Variants in C21orf91 observed in about 807,000 individuals in gnomAD.
C21orf91 encodes chromosome 21 open reading frame 91.
A neutral mutation model predicts 32.9 loss-of-function variants in C21orf91; 26 were observed. The observed-to-expected ratio is 0.79, with a 90% CI of 0.58 to 1.10. C21orf91 has a LOEUF of 1.10. Among genes scored for constraint, C21orf91 ranks in the 50% least tolerant of loss-of-function variants. The pLI, the probability that C21orf91 is intolerant of heterozygous loss-of-function variation, is 0.00. For synonymous variants in C21orf91, 126 were observed against 120.4 expected (o/e 1.05, Z -0.31); for missense variants, 310 against 341.3 (o/e 0.91, Z 0.72).
chr21:17,801,371 T>C (rs756074887), intron 2 of C21orf91, among the ~76,000 whole-genome samples: 1 of 151,650 alleles, frequency 6.6e-6, no homozygotes, highest in Non-Finnish European at 1.5e-5. Flanking sequence ...CCCAGGTTCA[T>C]GTCATTCTCC....
chr21:17,811,356 C>A (rs1359527324), intron 2 of C21orf91: 1 of 152,088 alleles, frequency 6.6e-6, no homozygotes, highest in Non-Finnish European at 1.5e-5. Flanking sequence ...AGAGACTTAC[C>A]TAAAAGTATA....
At chr21:17,810,132 T>G (rs1314914754) in intron 2 of C21orf91, among the ~76,000 whole-genome samples, 1 of 152,232 alleles carries the variant, frequency 6.6e-6, no homozygotes, top group Non-Finnish European at 1.5e-5. Flanking sequence ...TTGATAACTC[T>G]GCAACTTTAC....
chr21:17,790,007 T>C lies in C21orf91; in HGVS notation c.*3408A>G, dbSNP rs1407121797. The C allele has an allele frequency of 1.3e-5, 2 of 152,132 alleles. No individual in the cohort carries two copies. The highest frequency in any genetic ancestry group is 2.9e-5 in the Non-Finnish European group (2 of 67,984). 9.4% of individuals were successfully genotyped at this position (152,132 alleles called of 1,614,324 possible). A position where few individuals can be genotyped will look rare whatever the true frequency, so the allele number is the denominator to read the frequency against. ...AAAGTATTAACTTTTTTATAGCGTA[T>C]TACACTTCTTAATAAGCACTTAGTA... On this transcript the variant is annotated 3_prime_UTR_variant, in exon 5 of 5. Transcript: ENST00000284881.
chr21:17,800,537 C>G (rs1335207993), intron 2 of C21orf91, among the ~76,000 whole-genome samples: 1 of 152,154 alleles, frequency 6.6e-6, no homozygotes. Context: ...CAGTGAGTTT[C>G]CCAACTGACT....
rs1462841094 is a variant in C21orf91, at chr21:17,818,230, AGT to A, written c.87_88del (p.Ser31LeufsTer7). ...CTCAAAACAAATGTGGCAGAAGGAG[AGT>A]GTTTCTTTGTCTGTTCCCAGTTTAC... On this transcript the variant is annotated frameshift_variant, in exon 2 of 5. Transcript: ENST00000284881. LOFTEE classifies it high-confidence loss of function. 1.2e-6 allele frequency: 2 copies of A among 1,610,418 alleles called. No homozygotes were observed. Among genetic ancestry groups the A allele is most frequent in the South Asian group, 2.2e-5 (2 of 91,002 alleles).
In C21orf91 at chr21:17,792,393, AAGT is replaced by A. The variant is rs1440500341; in HGVS notation, c.*1019_*1021del. ...CCTCACAATGCTTTCTTTGAGCACT[AAGT>A]TCAATGATGGTGATAATACAATTTG... On this transcript the variant is annotated 3_prime_UTR_variant, in exon 5 of 5. Coordinates refer to ENST00000284881, the MANE Select transcript of C21orf91 (RefSeq NM_001100420.2). 1 of 152,136 alleles carries A rather than the reference AAGT, an allele frequency of 6.6e-6. No homozygotes were observed. Among genetic ancestry groups the A allele is most frequent in the African/African-American group, 2.4e-5 (1 of 41,454 alleles). 9.4% of individuals were successfully genotyped at this position (152,136 alleles called of 1,614,324 possible).
Position 17,796,645 on chromosome 21 carries a change from CTT to C in C21orf91, c.599_600del (p.Glu200GlyfsTer5). 6.2e-7 allele frequency: 1 copy of C among 1,614,058 alleles called. No homozygotes were observed. ...TTAGCCTCTGGACTAGAGATTGTCT[CTT>C]CTTTTTTCTGTGCCTGGTTGTGACT... is the stretch of plus-strand genomic sequence containing the variant. ...PHSHNQAQKK[E>X]ETISSPEANV... On this transcript the variant is annotated frameshift_variant, in exon 3 of 5. Coordinates refer to ENST00000284881, the MANE Select transcript of C21orf91 (RefSeq NM_001100420.2). LOFTEE classifies it high-confidence loss of function.
intron 4 of C21orf91, 152 bp from the exon 5 acceptor site, chr21:17,793,733 G>C (rs2062496313): frequency 1.6e-6 from 1 of 606,242 alleles, no homozygotes; most frequent in East Asian, 2.8e-5. Context: ...TCTCTACAAA[G>C]CATATCAGTT....
intron 4 of C21orf91, among the ~76,000 whole-genome samples, chr21:17,794,204 T>G (rs533120693): frequency 6.6e-6 from 1 of 152,360 alleles, no homozygotes; most frequent in African/African-American, 2.4e-5. Context: ...CTTTGGAGTT[T>G]AAATCCTTGA....
intron 4 of C21orf91, among the ~76,000 whole-genome samples, chr21:17,794,942 C>T (rs1461226337): frequency 2.0e-5 from 3 of 151,152 alleles, no homozygotes; most frequent in African/African-American, 7.3e-5. Flanking sequence ...GACAGTAAGT[C>T]CCAGCTACTC....
intron 2 of C21orf91, among the ~76,000 whole-genome samples, chr21:17,804,933 A>G (rs1346970474): frequency 2.0e-5 from 3 of 152,216 alleles, no homozygotes; most frequent in Admixed American, 6.5e-5. Flanking sequence ...AACAGTTGGA[A>G]AGTTGGGGAA....
chr21:17,796,997 A>T lies in C21orf91; in HGVS notation c.249T>A (p.Tyr83Ter). The change falls in exon 3 of 5, where the codon TAT becomes TAA. Residue 83 changes from tyrosine (Y) to a stop codon, truncating the protein, a stop_gained. Transcript: ENST00000284881. LOFTEE classifies it high-confidence loss of function. The stretch of plus-strand genomic sequence containing the variant: ...TACTCAAAATGGTTTTAACTTCTTC[A>T]TAAGTACTTTTTGAAAGCTTAGATC... ...CPRSKLSKST[Y>*]EEVKTILSKK... The T allele has an allele frequency of 6.2e-7, 1 of 1,613,534 alleles. No homozygotes were observed. The highest frequency in any genetic ancestry group is 8.5e-7 in the Non-Finnish European group (1 of 1,179,526).
chr21:17,818,269 A>G lies in C21orf91; in HGVS notation c.50T>C (p.Ile17Thr), dbSNP rs768741764. ...FVNIDLNDDN[I>T]CSVCKLGTDK... is the part of the protein sequence containing the mutation. Reference sequence around the variant, plus strand: ...TGTTCCCAGTTTACAAACACTGCAAATGTTGTCATCATTCAAATCAATGTT... The same window carrying G: ...TGTTCCCAGTTTACAAACACTGCAAGTGTTGTCATCATTCAAATCAATGTT... The change falls in exon 2 of 5, where the codon ATT (isoleucine) becomes ACT (threonine). Residue 17 changes from isoleucine to threonine, a missense_variant. Physicochemically the swap from Ile to Thr is moderately conservative, Grantham distance 89. Coordinates refer to ENST00000284881, the MANE Select transcript of C21orf91 (RefSeq NM_001100420.2). 1 of 1,612,114 alleles carries G rather than the reference A, an allele frequency of 6.2e-7. No individual in the cohort carries two copies. The highest frequency in any genetic ancestry group is 8.5e-7 in the Non-Finnish European group (1 of 1,178,236).
rs2062471245 is a variant in C21orf91, at chr21:17,791,217, T to G, written c.*2198A>C. The stretch of plus-strand genomic sequence containing the variant: ...AAAATACTTCAACAAAAAGTTTTTT[T>G]TACTAGGAACTCATCCAAATAAAGT... On this transcript the variant is annotated 3_prime_UTR_variant, in exon 5 of 5. Transcript: ENST00000284881. The G allele has an allele frequency of 6.6e-6, 1 of 152,134 alleles. No homozygotes were observed. Among genetic ancestry groups the G allele is most frequent in the Admixed American group, 6.5e-5 (1 of 15,270 alleles). The allele number at this position is 152,134 out of a possible 1,614,324, so 9.4% of individuals were successfully genotyped here.
At chr21:17,809,996 T>C (rs1383751523) in intron 2 of C21orf91, among the ~76,000 whole-genome samples, 8 of 152,224 alleles carry the variant, frequency 5.3e-5, no homozygotes, top group Non-Finnish European at 1.2e-4. Context: ...GTCCCCTTGT[T>C]AAAACGATAA....
chr21:17,816,278 A>C (rs1277026791), intron 2 of C21orf91, among the ~76,000 whole-genome samples: 2 of 152,246 alleles, frequency 1.3e-5, no homozygotes, highest in African/African-American at 2.4e-5. Context: ...ATGGTACCTA[A>C]GGTAATATTT....
rs1469566844 is a variant in C21orf91, at chr21:17,797,125, A to G, written c.128-7T>C. 7.8e-6 allele frequency: 12 copies of G among 1,534,870 alleles called. No homozygotes were observed. The South Asian group carries it at 9.9e-5, about 13-fold the overall frequency. On this transcript the variant is annotated splice_region_variant and splice_polypyrimidine_tract_variant and intron_variant, in intron 2 of 4. Transcript: ENST00000284881. ...AGATCAGACTTTGGTACCCCTATGG[A>G]AAAAAAAGAGAAACAAAAGACTTGA...
At chr21:17,798,338 T>A in intron 2 of C21orf91, among the ~76,000 whole-genome samples, 1 of 152,200 alleles carries the variant, frequency 6.6e-6, no homozygotes, top group African/African-American at 2.4e-5. Flanking sequence ...TATTAATGTT[T>A]TTAAAAATAT....
chr21:17,803,525 G>GA (rs774502129), intron 2 of C21orf91, among the ~76,000 whole-genome samples: 138 of 151,892 alleles, frequency 9.1e-4, no homozygotes, highest in Non-Finnish European at 1.5e-3. Context: ...TTAAAAAAAA[G>GA]AAAAAAAAGT....
Sources: allele counts gnomAD v4.1 joint callset (sites outside exome capture counted in the v4.1 genomes callset), GRCh38; gene constraint gnomAD v4.1.1; transcripts MANE v1.5; gene names NCBI Gene and HGNC (gene_info 2026-07-23, HGNC 2026-07-21).